The following SLC16A10 variants were observed in gnomAD, a reference collection of about 807,000 sequenced individuals.
SLC16A10 encodes the protein solute carrier family 16 member 10.
A neutral mutation model predicts 40.0 loss-of-function variants in SLC16A10; 27 were observed. That is an observed-to-expected ratio of 0.67 (90% confidence interval 0.50 to 0.93). The LOEUF is 0.93. Among genes scored for constraint, SLC16A10 ranks in the 40% least tolerant of loss-of-function variants. The pLI, the probability that SLC16A10 is intolerant of heterozygous loss-of-function variation, is 0.00. For synonymous variants in SLC16A10, 213 were observed against 249.8 expected (o/e 0.85, Z 1.39); for missense variants, 529 against 658.2 (o/e 0.80, Z 2.15).
chr6:111,164,587 C>A (rs1168499037), intron 1 of SLC16A10, among the ~76,000 whole-genome samples: 1 of 151,976 alleles, frequency 6.6e-6, no homozygotes, highest in Non-Finnish European at 1.5e-5. Flanking sequence ...TGGTGAAAAT[C>A]CGTCTCTACT....
rs188023507 is a variant in SLC16A10 at position 111,161,007 on chromosome 6, G to A, written c.344-11688G>A. Among the ~76,000 whole-genome samples, 4 of 152,174 alleles carry A rather than the reference G, an allele frequency of 2.6e-5. No homozygotes were observed. In the East Asian group the frequency reaches 7.7e-4, roughly 29 times the overall value. ...GGATGCCAAGGCAGGTGGATCACCTGAGATCAGGAGTTTGAAACAAGCCTG... is the reference window on the plus strand; with the variant it reads ...GGATGCCAAGGCAGGTGGATCACCTAAGATCAGGAGTTTGAAACAAGCCTG... On this transcript the variant is annotated intron_variant, in intron 1 of 5. Transcript: ENST00000368851.
Position 111,222,512 on chromosome 6 carries a change from G to A in SLC16A10, c.*277G>A. On this transcript the variant is annotated 3_prime_UTR_variant, in exon 6 of 6. Coordinates refer to ENST00000368851, the MANE Select transcript of SLC16A10 (RefSeq NM_018593.5). ...AGCTATCTCAGTAAAAAGCAGCTTTGGAAACTGTGAATGATCTTTAGCTTG... is the reference window on the plus strand; with the variant it reads ...AGCTATCTCAGTAAAAAGCAGCTTTAGAAACTGTGAATGATCTTTAGCTTG... 6.1e-6 allele frequency: 2 copies of A among 327,684 alleles called. No homozygotes were observed. The highest frequency in any genetic ancestry group is 3.6e-5 in the South Asian group (1 of 27,470). The allele number at this position is 327,684 out of a possible 1,614,324, so 20.3% of individuals were successfully genotyped here.
chr6:111,208,423 C>G (rs9487597), intron 4 of SLC16A10, among the ~76,000 whole-genome samples: 21,769 of 152,014 alleles, frequency 0.14, 1,604 homozygotes, highest in African/African-American at 0.18. Context: ...ACTAAAAATA[C>G]AAAAATTATC....
chr6:111,209,219 A>G (rs1441451883), intron 4 of SLC16A10, among the ~76,000 whole-genome samples: 2 of 152,140 alleles, frequency 1.3e-5, no homozygotes, highest in South Asian at 2.1e-4. Flanking sequence ...ATTTAGAGAA[A>G]AAGAGTAGAG....
chr6:111,214,119 A>G (rs73532717), intron 4 of SLC16A10, among the ~76,000 whole-genome samples: 1,828 of 152,338 alleles, frequency 0.012, 25 homozygotes, highest in African/African-American at 0.042. Flanking sequence ...ATGTGCATAC[A>G]CTAACTCATA....
chr6:111,153,014 A>G (rs1772201028), intron 1 of SLC16A10, among the ~76,000 whole-genome samples: 1 of 152,186 alleles, frequency 6.6e-6, no homozygotes, highest in South Asian at 2.1e-4. Context: ...TGAGTCAGTG[A>G]CAATGAGTGG....
intron 1 of SLC16A10, among the ~76,000 whole-genome samples, chr6:111,146,622 A>G (rs1399478948): frequency 6.6e-6 from 1 of 152,110 alleles, no homozygotes; most frequent in Non-Finnish European, 1.5e-5. Context: ...CTGTAGTCCC[A>G]GCTACTCGGG....
rs141686851 is a variant in SLC16A10 at position 111,209,241 on chromosome 6, A to C, written c.1086+2506A>C. On this transcript the variant is annotated intron_variant, in intron 4 of 5. Transcript: ENST00000368851. ...GAAAAAGAGTAGAGGTCCAGGGACTAGTTGGAAACTATATTAAAGTAGTCT... is the reference window on the plus strand; with the variant it reads ...GAAAAAGAGTAGAGGTCCAGGGACTCGTTGGAAACTATATTAAAGTAGTCT... Among the ~76,000 whole-genome samples the C allele has an allele frequency of 7.3e-3, 1,112 of 152,250 alleles. 9 individuals are homozygous for C. The highest frequency in any genetic ancestry group is 0.017 in the Middle Eastern group (5 of 292).
intron 1 of SLC16A10, among the ~76,000 whole-genome samples, chr6:111,112,721 T>A (rs748398169): frequency 6.6e-6 from 1 of 151,962 alleles, no homozygotes; most frequent in Non-Finnish European, 1.5e-5. Context: ...TCAAAAAGAG[T>A]TTTTATTTGC....
intron 3 of SLC16A10, among the ~76,000 whole-genome samples, chr6:111,199,493 A>C (rs1773133961): frequency 6.6e-6 from 1 of 152,104 alleles, no homozygotes; most frequent in Non-Finnish European, 1.5e-5. Context: ...AGGTGGAATT[A>C]ATAAAAATTT....
chr6:111,212,914 A>G (rs1333331994), intron 4 of SLC16A10, among the ~76,000 whole-genome samples: 2 of 152,190 alleles, frequency 1.3e-5, no homozygotes, highest in African/African-American at 2.4e-5. Flanking sequence ...AAGTTCCCAG[A>G]ATATATACTT....
intron 1 of SLC16A10, among the ~76,000 whole-genome samples, chr6:111,147,492 G>A (rs1022753083): frequency 3.9e-5 from 6 of 152,026 alleles, no homozygotes; most frequent in African/African-American, 9.7e-5. Context: ...TTTCGTGTAC[G>A]GTGGCTGTGA....
At chr6:111,153,980 G>A (rs61528604) in intron 1 of SLC16A10, among the ~76,000 whole-genome samples, 442 of 152,294 alleles carry the variant, frequency 2.9e-3, no homozygotes, top group African/African-American at 9.9e-3. Context: ...AGAAATGGGT[G>A]TAGAGAAAGT....
chr6:111,101,007 TATATATATATAA>T lies in SLC16A10; in HGVS notation c.343+12919_343+12930del, dbSNP rs1430884262. ...CTCTCTCTCTCTATATATATATATA[TATATATATATAA>T]ATATATGTATATATATTTTTTCTTT... On this transcript the variant is annotated intron_variant, in intron 1 of 5. Coordinates refer to ENST00000368851, the MANE Select transcript of SLC16A10 (RefSeq NM_018593.5). 4.3e-3 allele frequency among the ~76,000 whole-genome samples: 608 copies of T among 142,456 alleles called. 3 individuals carry two copies. Among genetic ancestry groups the T allele is most frequent in the African/African-American group, 0.015 (586 of 38,060 alleles). The allele number at this position is 142,456 out of a possible 152,430, so 93.5% of individuals were successfully genotyped here. A position where few individuals can be genotyped will look rare whatever the true frequency, so the allele number is the denominator to read the frequency against.
At position 111,172,725 on chromosome 6, in the gene SLC16A10, T is replaced by G. The variant is rs1238333856; in HGVS notation, c.374T>G (p.Ile125Ser). ...GTAGGTTCTCTCTCCATGGGGATGA[T>G]TTTCTTTTGCTGCCCAATAGTCAGC... ...AWVGSLSMGM[I>S]FFCCPIVSVF... is the part of the protein sequence containing the mutation. The change falls in exon 2 of 6, where the codon ATT becomes AGT. Residue 125 changes from isoleucine (I) to serine (S), a missense_variant. Ile to Ser is a moderately radical substitution (Grantham distance 142). Transcript: ENST00000368851. 1 of 1,614,138 alleles carries G rather than the reference T, an allele frequency of 6.2e-7. No individual in the cohort carries two copies. The highest frequency in any genetic ancestry group is 8.5e-7 in the Non-Finnish European group (1 of 1,179,988).
intron 1 of SLC16A10, among the ~76,000 whole-genome samples, chr6:111,127,504 C>T (rs893233078): frequency 6.6e-6 from 1 of 152,080 alleles, no homozygotes; most frequent in East Asian, 1.9e-4. Flanking sequence ...GGATTTTGAG[C>T]AGGGGAGTGA....
At chr6:111,124,025 T>G (rs1771628549) in intron 1 of SLC16A10, among the ~76,000 whole-genome samples, 1 of 152,112 alleles carries the variant, frequency 6.6e-6, no homozygotes, top group African/African-American at 2.4e-5. Context: ...GTTGCTCTAC[T>G]TTAGAGGGCT....
At chr6:111,139,702 C>T (rs1316618201) in intron 1 of SLC16A10, among the ~76,000 whole-genome samples, 1 of 152,158 alleles carries the variant, frequency 6.6e-6, no homozygotes, top group Non-Finnish European at 1.5e-5. Context: ...GATTCCATGT[C>T]TGCTATTGTG....
At chr6:111,142,973 C>T (rs1395742841) in intron 1 of SLC16A10, among the ~76,000 whole-genome samples, 1 of 152,170 alleles carries the variant, frequency 6.6e-6, no homozygotes, top group African/African-American at 2.4e-5. Context: ...ACCAAGATGT[C>T]CTTCAATAGG....
Sources: gnomAD v4.1 joint callset for allele counts (sites outside exome capture counted in the v4.1 genomes callset) on GRCh38, gnomAD v4.1.1 for gene constraint, MANE v1.5 for transcripts, NCBI Gene and HGNC (gene_info 2026-07-23, HGNC 2026-07-21) for gene names.